The following PCDHGA5 variants were observed in gnomAD, a reference collection of about 807,000 sequenced individuals.
PCDHGA5 encodes the protein protocadherin gamma-A5.
PCDHGA5 carries 36 observed loss-of-function variants against 56.7 expected under a neutral mutation model. The observed-to-expected ratio is 0.64, with a 90% CI of 0.49 to 0.84. PCDHGA5 has a LOEUF of 0.84. Among genes scored for constraint, PCDHGA5 ranks in the 40% least tolerant of loss-of-function variants. The pLI, the probability that PCDHGA5 is intolerant of heterozygous loss-of-function variation, is 0.00. For synonymous variants in PCDHGA5, 563 were observed against 520.2 expected, an observed-to-expected ratio of 1.08 and a Z score of -1.12; for missense variants, 1,305 against 1,201.5, an observed-to-expected ratio of 1.09 and a Z score of -1.27.
chr5:141,378,973 A>G (rs1775276722), intron 1 of PCDHGA5: 1 of 152,222 alleles, frequency 6.6e-6, no homozygotes, highest in South Asian at 2.1e-4. Context: ...TAATTTGATG[A>G]CTTGTTGAAC....
intron 1 of PCDHGA5, chr5:141,385,756 T>A: frequency 5.6e-6 from 1 of 179,052 alleles, no homozygotes; most frequent in Non-Finnish European, 1.1e-5. Flanking sequence ...GATTTTTTTC[T>A]GTGGCTGATT....
In PCDHGA5 at chr5:141,404,747, G is replaced by A. The variant is rs142282950; in HGVS notation, c.2421+37996G>A. 3.0e-4 allele frequency: 483 copies of A among 1,614,062 alleles called. 2 individuals carry two copies. The African/African-American group carries it at 5.3e-3, about 18-fold the overall frequency. On this transcript the variant is annotated intron_variant, in intron 1 of 3. Coordinates refer to ENST00000518069, the MANE Select transcript of PCDHGA5 (RefSeq NM_018918.3). ...GGTGGTGGCAGTGGACAGAGACTCA[G>A]GCCAGAATGCTTGGCTCTCCTACCG...
chr5:141,508,139 G>C (rs1243018384), intron 3 of PCDHGA5: 1 of 152,514 alleles, frequency 6.6e-6, no homozygotes, highest in African/African-American at 2.4e-5. Flanking sequence ...CAGGGAGCTG[G>C]GGGCTGAGTT....
At chr5:141,433,612 G>A (rs1181458593) in intron 1 of PCDHGA5, among the ~76,000 whole-genome samples, 1 of 152,082 alleles carries the variant, frequency 6.6e-6, no homozygotes, top group Non-Finnish European at 1.5e-5. Context: ...GAGGCGGGTG[G>A]ATCACCTGAG....
chr5:141,511,733 T>C lies in PCDHGA5; in HGVS notation c.*560T>C, dbSNP rs1032711521. 9 of 177,040 alleles carry C rather than the reference T, an allele frequency of 5.1e-5. No individual in the cohort carries two copies. The highest frequency in any genetic ancestry group is 8.7e-5 in the Non-Finnish European group (7 of 80,868). The allele number at this position is 177,040 out of a possible 1,614,324, so 11.0% of individuals were successfully genotyped here. ...TCCTTCCAGAGCCCAAGATCAATGC[T>C]CAAGTTTTGGAGGACATGATCACCA... On this transcript the variant is annotated 3_prime_UTR_variant, in exon 4 of 4. Transcript: ENST00000518069.
chr5:141,383,903 TC>T lies in PCDHGA5; in HGVS notation c.2421+17153del, dbSNP rs769022323. On this transcript the variant is annotated intron_variant, in intron 1 of 3. Transcript: ENST00000518069. ...AGTCTGACAAAGGCAAAAGTACTGA[TC>T]ACAGTTTTAGATGTAAATGATAATG... The T allele has an allele frequency of 8.9e-5, 144 of 1,613,802 alleles. 1 individual carries two copies. The highest frequency in any genetic ancestry group is 1.1e-4 in the Non-Finnish European group (134 of 1,179,876).
intron 1 of PCDHGA5, chr5:141,396,659 A>G (rs2093416733): frequency 6.6e-6 from 1 of 151,984 alleles, no homozygotes; most frequent in African/African-American, 2.4e-5. Context: ...AAAACTCGGT[A>G]TAGGCTATCC....
intron 1 of PCDHGA5, chr5:141,408,394 C>T: frequency 6.2e-7 from 1 of 1,614,034 alleles, no homozygotes; most frequent in Non-Finnish European, 8.5e-7. Flanking sequence ...TGTCGGCTCG[C>T]AAGCTGCGAG....
At chr5:141,372,205 T>C (rs750507972) in intron 1 of PCDHGA5, 2 of 1,613,426 alleles carry the variant, frequency 1.2e-6, no homozygotes, top group African/African-American at 2.7e-5. Context: ...AACGCCTGGC[T>C]GTCCTACCAC....
intron 1 of PCDHGA5, among the ~76,000 whole-genome samples, chr5:141,458,512 TG>T (rs995261761): frequency 1.3e-5 from 2 of 150,194 alleles, no homozygotes; most frequent in East Asian, 1.9e-4. Flanking sequence ...TTTGACACTT[TG>T]TTTTTTTTTT....
intron 1 of PCDHGA5, chr5:141,421,623 C>T: frequency 6.2e-7 from 1 of 1,613,810 alleles, no homozygotes. Flanking sequence ...ATAACGCCCC[C>T]AGCTTCCAGG....
chr5:141,498,848 G>A (rs930895553), intron 2 of PCDHGA5, among the ~76,000 whole-genome samples: 3 of 151,908 alleles, frequency 2.0e-5, no homozygotes, highest in Non-Finnish European at 4.4e-5. Context: ...CAGGGGAATC[G>A]CTTGAACCCA....
intron 1 of PCDHGA5, chr5:141,423,755 G>A (rs1236551808): frequency 2.5e-5 from 13 of 512,416 alleles, no homozygotes; most frequent in Non-Finnish European, 3.4e-5. Context: ...CTGTTTGGGG[G>A]GGGGGTGGGG....
In PCDHGA5 at chr5:141,417,959, C is replaced by T. The variant is rs759279387; in HGVS notation, c.2421+51208C>T. 7.4e-6 allele frequency: 12 copies of T among 1,613,616 alleles called. No homozygotes were observed. The highest frequency in any genetic ancestry group is 4.0e-5 in the African/African-American group (3 of 74,932). On this transcript the variant is annotated intron_variant, in intron 1 of 3. Coordinates refer to ENST00000518069, the MANE Select transcript of PCDHGA5 (RefSeq NM_018918.3). The stretch of plus-strand genomic sequence containing the variant: ...CTACCCCACGCTGTGTGAGCCGATC[C>T]GCTACTCGATTCCGGAGGAGCTGGC...
chr5:141,494,925 G>T (rs936071950), intron 2 of PCDHGA5, 60 bp downstream of exon 2: 1 of 1,613,316 alleles, frequency 6.2e-7, no homozygotes. Flanking sequence ...GGGATGACGT[G>T]GGAGGAGATG....
chr5:141,498,254 G>A (rs550611179), intron 2 of PCDHGA5, among the ~76,000 whole-genome samples: 2 of 152,338 alleles, frequency 1.3e-5, no homozygotes, highest in East Asian at 3.9e-4. Context: ...AGCAGGGCTG[G>A]TGTTGAGTTC....
chr5:141,445,975 G>A (rs1279186740), intron 1 of PCDHGA5, among the ~76,000 whole-genome samples: 1 of 152,124 alleles, frequency 6.6e-6, no homozygotes, highest in Non-Finnish European at 1.5e-5. Flanking sequence ...TGATTTATGA[G>A]GGTTATAAAT....
chr5:141,384,202 G>A (rs752360983), intron 1 of PCDHGA5: 9 of 1,613,734 alleles, frequency 5.6e-6, no homozygotes, highest in Non-Finnish European at 6.8e-6. Flanking sequence ...CTTGTCCAGG[G>A]AAACTCACAT....
At chr5:141,421,030 G>C (rs989158485) in intron 1 of PCDHGA5, 2 of 532,352 alleles carry the variant, frequency 3.8e-6, no homozygotes, top group African/African-American at 3.9e-5. Context: ...GCGCCATTGA[G>C]TCCCTCCCTC....
Sources: allele counts gnomAD v4.1 joint callset (sites outside exome capture counted in the v4.1 genomes callset), GRCh38; gene constraint gnomAD v4.1.1; transcripts MANE v1.5; gene names NCBI Gene and HGNC (gene_info 2026-07-23, HGNC 2026-07-21).